Variants in PGM2 observed in about 807,000 individuals in gnomAD.
PGM2 encodes the protein phosphoglucomutase 2.
In PGM2, 57 loss-of-function variants were observed where a neutral mutation model predicts 74.6. The observed-to-expected ratio is 0.76, with a 90% confidence interval of 0.62 to 0.95. The LOEUF is 0.95. PGM2 is among the 40% of genes least tolerant of loss of function. PGM2 has a pLI of 0.00. For missense variants in PGM2, 706 were observed against 741.9 expected, an observed-to-expected ratio of 0.95 and a Z score of 0.56; for synonymous variants, 273 against 260.7, an observed-to-expected ratio of 1.05 and a Z score of -0.46.
chr4:37,850,989 T>TAAAA (rs1726024241), intron 12 of PGM2, among the ~76,000 whole-genome samples: 1 of 8,088 alleles, frequency 1.2e-4, no homozygotes, highest in African/African-American at 9.4e-4. Context: ...AGACTTCATC[T>TAAAA]CAAAAAAAAA....
chr4:37,844,200 G>A (rs1020725729), intron 6 of PGM2, among the ~76,000 whole-genome samples, 164 bp from the exon 7 acceptor site: 10 of 136,224 alleles, frequency 7.3e-5, no homozygotes, highest in African/African-American at 2.5e-4. Flanking sequence ...ACTTGAGTAT[G>A]TTGAGGGAAG....
At chr4:37,845,033 A>G (rs1725834068) in intron 7 of PGM2, among the ~76,000 whole-genome samples, 1 of 152,124 alleles carries the variant, frequency 6.6e-6, no homozygotes, top group African/African-American at 2.4e-5. Flanking sequence ...TAATTTCTTA[A>G]AGGATCTTTC....
At chr4:37,839,658 T>C in intron 4 of PGM2, 190 bp from the exon 5 acceptor site, 1 of 689,358 alleles carries the variant, frequency 1.5e-6, no homozygotes, top group South Asian at 1.5e-5. Context: ...CATCCTGGAA[T>C]TATGAGCAGC....
rs771530276 is a variant in PGM2 at position 37,862,505 on chromosome 4, A to G, written c.*893A>G. ...TAGACTTTATTATGATAGATTTCCTATAAGCCAATTTCTAATAACAAATAG... is the reference window on the plus strand; with the variant it reads ...TAGACTTTATTATGATAGATTTCCTGTAAGCCAATTTCTAATAACAAATAG... On this transcript the variant is annotated 3_prime_UTR_variant, in exon 14 of 14. Coordinates refer to ENST00000381967, the MANE Select transcript of PGM2 (RefSeq NM_018290.4). The G allele has an allele frequency of 5.9e-5, 9 of 152,130 alleles. No individual in the cohort carries two copies. The highest frequency in any genetic ancestry group is 1.4e-4 in the African/African-American group (6 of 41,444). 9.4% of individuals were successfully genotyped at this position (152,130 alleles called of 1,614,324 possible). A position where few individuals can be genotyped will look rare whatever the true frequency, so the allele number is the denominator to read the frequency against.
intron 6 of PGM2, among the ~76,000 whole-genome samples, chr4:37,843,742 T>G (rs1415104879): frequency 6.6e-6 from 1 of 151,988 alleles, no homozygotes; most frequent in East Asian, 1.9e-4. Flanking sequence ...CCCAAGTATC[T>G]GGGATTACAG....
chr4:37,845,590 G>A (rs1219498025), intron 7 of PGM2, 43 bp from the exon 8 acceptor site: 5 of 1,314,466 alleles, frequency 3.8e-6, no homozygotes, highest in South Asian at 2.4e-5. Flanking sequence ...TCATATGCTC[G>A]ATTCTTGATT....
chr4:37,847,445 A>G, intron 10 of PGM2, 150 bp downstream of exon 10: 1 of 591,276 alleles, frequency 1.7e-6, no homozygotes, highest in Non-Finnish European at 3.0e-6. Context: ...CAAAATTGAC[A>G]TCTCAGATGA....
At chr4:37,835,998 T>C (rs1011127353) in intron 3 of PGM2, among the ~76,000 whole-genome samples, 2 of 152,246 alleles carry the variant, frequency 1.3e-5, no homozygotes, top group Non-Finnish European at 2.9e-5. Flanking sequence ...ATCGTGACCG[T>C]GTTCCTCTGC....
intron 3 of PGM2, 73 bp from the exon 4 acceptor site, chr4:37,837,456 T>A (rs1350300332): frequency 3.4e-6 from 3 of 874,802 alleles, no homozygotes; most frequent in Non-Finnish European, 5.9e-6. Flanking sequence ...TCAGCATTCA[T>A]TTCCTTCTTT....
chr4:37,840,608 C>T (rs377403057), intron 6 of PGM2, among the ~76,000 whole-genome samples: 3 of 152,180 alleles, frequency 2.0e-5, no homozygotes, highest in East Asian at 3.9e-4. Context: ...TAGTCTTGAA[C>T]TCCTGGCCTC....
In PGM2 at chr4:37,841,808, AGTTGCTT is replaced by A. The variant is rs1725736525; in HGVS notation, c.719+1551_719+1557del. Among the ~76,000 whole-genome samples the A allele has an allele frequency of 2.0e-5, 3 of 152,312 alleles. 1 individual carries two copies. The South Asian group carries it at 6.2e-4, about 32-fold the overall frequency. On this transcript the variant is annotated intron_variant, in intron 6 of 13. Coordinates refer to ENST00000381967, the MANE Select transcript of PGM2 (RefSeq NM_018290.4). The stretch of plus-strand genomic sequence containing the variant: ...TTGGGAGTTAACTCCCCTTGTGCAC[AGTTGCTT>A]GAGTATGTGTGTGGGTGTGTGCGCG...
At chr4:37,856,377 T>TC (rs1308744591) in intron 13 of PGM2, among the ~76,000 whole-genome samples, 3 of 152,020 alleles carry the variant, frequency 2.0e-5, no homozygotes, top group African/African-American at 4.8e-5. Flanking sequence ...AGAGCGAGAC[T>TC]CCATCTCAAA....
chr4:37,846,464 T>G (rs13128974), intron 8 of PGM2, among the ~76,000 whole-genome samples: 68,447 of 152,070 alleles, frequency 0.45, 17,425 homozygotes, highest in Non-Finnish European at 0.59. Context: ...ATTACACATC[T>G]TTTCTCTGAT....
intron 12 of PGM2, among the ~76,000 whole-genome samples, chr4:37,853,443 A>G (rs1726108609): frequency 6.8e-6 from 1 of 147,788 alleles, no homozygotes. Flanking sequence ...TTTTAAAAAT[A>G]TATGTCTTCT....
chr4:37,838,417 A>G (rs1455246589), intron 4 of PGM2, among the ~76,000 whole-genome samples: 1 of 152,248 alleles, frequency 6.6e-6, no homozygotes, highest in Non-Finnish European at 1.5e-5. Context: ...ATGTAGCACA[A>G]TCTAAAGAAG....
intron 3 of PGM2, among the ~76,000 whole-genome samples, chr4:37,836,173 T>G (rs951995803): frequency 2.0e-5 from 3 of 152,166 alleles, no homozygotes; most frequent in African/African-American, 7.2e-5. Context: ...AAGGTACAGA[T>G]TTTTTTGCCC....
At chr4:37,852,833 T>C (rs927863872) in intron 12 of PGM2, among the ~76,000 whole-genome samples, 1 of 152,244 alleles carries the variant, frequency 6.6e-6, no homozygotes, top group African/African-American at 2.4e-5. Context: ...CACAGTGATA[T>C]GCTATAGTAT....
chr4:37,858,672 T>G (rs183457974), intron 13 of PGM2, among the ~76,000 whole-genome samples: 1 of 152,222 alleles, frequency 6.6e-6, no homozygotes, highest in East Asian at 1.9e-4. Flanking sequence ...TTCACTAAGA[T>G]TTCCTTCTTT....
chr4:37,857,923 T>A (rs1711584107), intron 13 of PGM2, among the ~76,000 whole-genome samples: 1 of 152,206 alleles, frequency 6.6e-6, no homozygotes, highest in Admixed American at 6.6e-5. Flanking sequence ...GCTTATTTAG[T>A]GTTTTCTTAT....
Sources: gnomAD v4.1 joint callset for allele counts (sites outside exome capture counted in the v4.1 genomes callset) on GRCh38, gnomAD v4.1.1 for gene constraint, MANE v1.5 for transcripts, NCBI Gene and HGNC (gene_info 2026-07-23, HGNC 2026-07-21) for gene names.